Variants in ZNF383 observed in about 807,000 individuals in gnomAD.
ZNF383 encodes the protein zinc finger protein 383.
ZNF383 carries 32 observed loss-of-function variants against 44.2 expected under a neutral mutation model. The observed-to-expected ratio is 0.72, with a 90% confidence interval of 0.55 to 0.97. The LOEUF is 0.97. ZNF383 is among the 50% of genes least tolerant of loss of function. ZNF383 has a pLI of 0.00. For synonymous variants in ZNF383, 155 were observed against 186.2 expected, an observed-to-expected ratio of 0.83 and a Z score of 1.36; for missense variants, 487 against 562.5, an observed-to-expected ratio of 0.87 and a Z score of 1.36.
chr19:37,235,783 T>G, intron 4 of ZNF383, 108 bp downstream of exon 4: 1 of 1,413,720 alleles, frequency 7.1e-7, no homozygotes, highest in Non-Finnish European at 9.6e-7. Context: ...TTCTATTCTT[T>G]ATTACCAAAC....
chr19:37,240,023 G>A (rs1421594001), intron 5 of ZNF383, among the ~76,000 whole-genome samples: 2 of 152,078 alleles, frequency 1.3e-5, no homozygotes, highest in Admixed American at 6.6e-5. Context: ...GCCGGGCGTG[G>A]TGGTGCACGC....
At chr19:37,229,764 ATATATG>A (rs1973383021) in intron 2 of ZNF383, among the ~76,000 whole-genome samples, 1 of 140,800 alleles carries the variant, frequency 7.1e-6, no homozygotes. Context: ...ATATGTGTGT[ATATATG>A]TATATATATG....
At chr19:37,228,127 C>T (rs950486964) in intron 2 of ZNF383, among the ~76,000 whole-genome samples, 2 of 152,194 alleles carry the variant, frequency 1.3e-5, no homozygotes, top group Non-Finnish European at 2.9e-5. Context: ...GTAACGGGTG[C>T]CTTCCCAGTT....
chr19:37,224,053 A>T (rs1006401287), intron 1 of ZNF383, among the ~76,000 whole-genome samples: 3 of 152,076 alleles, frequency 2.0e-5, no homozygotes, highest in African/African-American at 7.2e-5. Flanking sequence ...AAAGAAAAAA[A>T]TTAATGTTGA....
At chr19:37,229,977 G>A in intron 2 of ZNF383, among the ~76,000 whole-genome samples, 1 of 151,734 alleles carries the variant, frequency 6.6e-6, no homozygotes, top group East Asian at 1.9e-4. Flanking sequence ...TGATCTGAGT[G>A]CACTGTGTTC....
intron 3 of ZNF383, among the ~76,000 whole-genome samples, chr19:37,233,785 T>C (rs1375722788): frequency 1.3e-5 from 2 of 152,162 alleles, no homozygotes; most frequent in African/African-American, 4.8e-5. Flanking sequence ...CATATCTTTG[T>C]TCCAATTTCT....
At position 37,246,997 on chromosome 19, in the gene ZNF383, A is replaced by G. The variant is rs1974397213; in HGVS notation, c.*3333A>G. On this transcript the variant is annotated 3_prime_UTR_variant, in exon 6 of 6. Transcript: ENST00000684119. Reference sequence around the variant, plus strand: ...TCAAATATCTGATTATTAATTCAATATTCCCTCTTAATTAACATGGGTTAA... The same window carrying G: ...TCAAATATCTGATTATTAATTCAATGTTCCCTCTTAATTAACATGGGTTAA... 6.6e-6 allele frequency: 1 copy of G among 152,212 alleles called. No individual in the cohort carries two copies. The allele number at this position is 152,212 out of a possible 1,614,324, so 9.4% of individuals were successfully genotyped here. A position where few individuals can be genotyped will look rare whatever the true frequency, so the allele number is the denominator to read the frequency against.
rs893364212 is a variant in ZNF383 at position 37,246,971 on chromosome 19, A to G, written c.*3307A>G. 1.2e-4 allele frequency: 18 copies of G among 152,218 alleles called. No homozygotes were observed. The highest frequency in any genetic ancestry group is 2.2e-4 in the Non-Finnish European group (15 of 68,026). The allele number at this position is 152,218 out of a possible 1,614,324, so 9.4% of individuals were successfully genotyped here. The stretch of plus-strand genomic sequence containing the variant: ...GAAGAAGCAGTACAATAGGATAACC[A>G]TCAAATATCTGATTATTAATTCAAT... On this transcript the variant is annotated 3_prime_UTR_variant, in exon 6 of 6. Transcript: ENST00000684119.
intron 5 of ZNF383, among the ~76,000 whole-genome samples, 200 bp from the exon 6 acceptor site, chr19:37,242,269 C>T (rs1413276049): frequency 6.6e-6 from 1 of 151,794 alleles, no homozygotes; most frequent in East Asian, 1.9e-4. Context: ...TGCGTAGTTA[C>T]CTTCCTCTGC....
At chr19:37,236,573 AT>A (rs1396588671) in intron 5 of ZNF383, among the ~76,000 whole-genome samples, 253 of 134,444 alleles carry the variant, frequency 1.9e-3, no homozygotes, top group Middle Eastern at 4.0e-3. Context: ...CTTCTTCTGC[AT>A]TTTTTTTTTT....
intron 3 of ZNF383, among the ~76,000 whole-genome samples, chr19:37,233,679 C>G (rs899963625): frequency 2.0e-5 from 3 of 151,904 alleles, no homozygotes; most frequent in Non-Finnish European, 4.4e-5. Context: ...CCGCCCGCCT[C>G]AGCCTCCCAA....
intron 5 of ZNF383, among the ~76,000 whole-genome samples, chr19:37,241,029 G>A (rs1203614496): frequency 6.6e-6 from 1 of 152,006 alleles, no homozygotes; most frequent in Non-Finnish European, 1.5e-5. Context: ...CTGGTCTGGA[G>A]CTCCTGACCT....
chr19:37,237,934 C>G (rs1362003012), intron 5 of ZNF383, among the ~76,000 whole-genome samples: 1 of 151,672 alleles, frequency 6.6e-6, no homozygotes, highest in African/African-American at 2.4e-5. Context: ...ACAATCATGG[C>G]TCACCACAGC....
intron 5 of ZNF383, among the ~76,000 whole-genome samples, chr19:37,236,996 G>C (rs924952948): frequency 6.2e-4 from 67 of 108,220 alleles, no homozygotes; most frequent in South Asian, 1.9e-3. Flanking sequence ...CACACACACA[G>C]AGACACACAC....
chr19:37,230,067 G>A (rs1973408861), intron 2 of ZNF383, among the ~76,000 whole-genome samples: 1 of 151,948 alleles, frequency 6.6e-6, no homozygotes, highest in Non-Finnish European at 1.5e-5. Flanking sequence ...CTCAGTCTTG[G>A]GTCATAGTAG....
At chr19:37,232,498 A>G (rs754627880) in intron 3 of ZNF383, among the ~76,000 whole-genome samples, 4 of 152,232 alleles carry the variant, frequency 2.6e-5, no homozygotes, top group Non-Finnish European at 5.9e-5. Flanking sequence ...AAATAAAAAA[A>G]TAAGGTCATG....
intron 5 of ZNF383, 143 bp downstream of exon 5, chr19:37,236,217 A>G: frequency 1.9e-6 from 1 of 532,552 alleles, no homozygotes; most frequent in South Asian, 3.2e-5. Context: ...TCCTTTTAGC[A>G]TAGTTGTTAA....
In ZNF383 at chr19:37,235,586, C is replaced by G; in HGVS notation, c.47C>G (p.Ser16Cys). ...VMFSDVSIDFSQEEWDCLDPV... is the reference protein window; with the variant it reads ...VMFSDVSIDFCQEEWDCLDPV... ...TTCAGTGATGTGTCCATAGACTTCT[C>G]TCAGGAGGAGTGGGACTGCCTGGAC... The change falls in exon 4 of 6, where the codon TCT becomes TGT. Residue 16 changes from serine (S) to cysteine (C), a missense_variant. Physicochemically the swap from Ser to Cys is moderately radical, Grantham distance 112 (BLOSUM62 -1). Transcript: ENST00000684119. 1 of 1,614,078 alleles carries G rather than the reference C, an allele frequency of 6.2e-7. No individual in the cohort carries two copies. The highest frequency in any genetic ancestry group is 8.5e-7 in the Non-Finnish European group (1 of 1,179,978).
rs1974169050 is a variant in ZNF383 at position 37,242,555 on chromosome 19, C to T, written c.319C>T (p.Leu107Phe). 4.3e-6 allele frequency: 7 copies of T among 1,613,788 alleles called. No individual in the cohort carries two copies. Among genetic ancestry groups the T allele is most frequent in the African/African-American group, 2.7e-5 (2 of 74,894 alleles). ...ATTATGCCAGAGGGAGATAATGGGA[C>T]TTACAAAGCATGGCCTTGAGTACTC... ...IELCQREIMG[L>F]TKHGLEYSSF... Residue 107 changes from leucine (L) to phenylalanine (F), a missense_variant, in exon 6 of 6, where the codon CTT (leucine) becomes TTT (phenylalanine). Leu to Phe is a conservative substitution (Grantham distance 22). Coordinates refer to ENST00000684119, the MANE Select transcript of ZNF383 (RefSeq NM_001387601.1).
Sources: gnomAD v4.1 joint callset for allele counts (sites outside exome capture counted in the v4.1 genomes callset) on GRCh38, gnomAD v4.1.1 for gene constraint, MANE v1.5 for transcripts, NCBI Gene and HGNC (gene_info 2026-07-23, HGNC 2026-07-21) for gene names.